The following FARS2 variants were observed in gnomAD, a reference collection of about 807,000 sequenced individuals.
FARS2 encodes phenylalanine--tRNA ligase, mitochondrial.
Under a neutral mutation model 46.4 loss-of-function variants are expected in FARS2, and 40 were observed. The ratio of observed to expected loss-of-function variants is 0.86; its 90% CI spans 0.67 to 1.12. The LOEUF is 1.12. FARS2 is among the 50% of genes most tolerant of loss of function. The pLI, the probability that FARS2 is intolerant of heterozygous loss-of-function variation, is 0.00. For missense variants in FARS2, 513 were observed against 567.9 expected (o/e 0.90, Z 0.98); for synonymous variants, 234 against 214.9 (o/e 1.09, Z -0.78).
At chr6:5,657,529 C>T (rs904819216) in intron 6 of FARS2, among the ~76,000 whole-genome samples, 64 of 152,248 alleles carry the variant, frequency 4.2e-4, no homozygotes, top group African/African-American at 1.5e-3. Context: ...TCTGAAGATG[C>T]GGGAAGGCAG....
intron 3 of FARS2, among the ~76,000 whole-genome samples, chr6:5,421,311 C>A (rs1348549413): frequency 6.6e-6 from 1 of 152,152 alleles, no homozygotes; most frequent in Non-Finnish European, 1.5e-5. Context: ...AGCATGGGGA[C>A]CCTGGGCCTG....
rs745311767 is a variant in FARS2, at chr6:5,324,443, C to CTTT, written c.-21-44086_-21-44084dup. Among the ~76,000 whole-genome samples the CTTT allele has an allele frequency of 3.7e-4, 33 of 88,236 alleles. 1 individual carries two copies. The highest frequency in any genetic ancestry group is 8.1e-4 in the African/African-American group (19 of 23,416). 57.9% of individuals were successfully genotyped at this position (88,236 alleles called of 152,430 possible). On this transcript the variant is annotated intron_variant, in intron 1 of 6. Transcript: ENST00000274680. ...ATTATTGTGGGAAAGAGACTATTTG[C>CTTT]TTTTTTTTTTTTTTTTTTTTTTTAA...
intron 4 of FARS2, among the ~76,000 whole-genome samples, chr6:5,432,785 G>C (rs1339517801): frequency 6.6e-6 from 1 of 151,954 alleles, no homozygotes; most frequent in South Asian, 2.1e-4. Flanking sequence ...TAAGAAATGT[G>C]AATAGACCAT....
chr6:5,379,728 C>T (rs540413003), intron 2 of FARS2, among the ~76,000 whole-genome samples: 57 of 152,230 alleles, frequency 3.7e-4, no homozygotes, highest in Middle Eastern at 3.4e-3. Context: ...AATGGGGTAC[C>T]GAGGAGAGCA....
intron 2 of FARS2, among the ~76,000 whole-genome samples, chr6:5,397,063 A>G (rs994770110): frequency 2.6e-5 from 4 of 152,228 alleles, no homozygotes; most frequent in African/African-American, 9.6e-5. Flanking sequence ...TCTTTAAAGA[A>G]GTAGAAAATA....
intron 5 of FARS2, among the ~76,000 whole-genome samples, chr6:5,550,287 T>G (rs1435072171): frequency 1.3e-5 from 2 of 152,198 alleles, no homozygotes; most frequent in Non-Finnish European, 2.9e-5. Context: ...GTTCTTTTAT[T>G]TATTTATGAG....
At chr6:5,619,975 T>TA (rs1249368961) in intron 6 of FARS2, among the ~76,000 whole-genome samples, 20 of 152,306 alleles carry the variant, frequency 1.3e-4, no homozygotes, top group Admixed American at 4.6e-4. Flanking sequence ...ATTTTCCCAA[T>TA]CATGACTGTT....
chr6:5,701,200 T>C (rs1758412758), intron 6 of FARS2, among the ~76,000 whole-genome samples: 1 of 152,218 alleles, frequency 6.6e-6, no homozygotes, highest in African/African-American at 2.4e-5. Flanking sequence ...CGCTAAGTCG[T>C]CGGGATTACC....
At chr6:5,391,255 A>G (rs1466675929) in intron 2 of FARS2, among the ~76,000 whole-genome samples, 3 of 152,222 alleles carry the variant, frequency 2.0e-5, no homozygotes, top group Non-Finnish European at 4.4e-5. Context: ...TTTGGGTTGA[A>G]TTCAGGCTCC....
At chr6:5,590,638 A>G (rs1358770306) in intron 5 of FARS2, among the ~76,000 whole-genome samples, 1 of 152,202 alleles carries the variant, frequency 6.6e-6, no homozygotes, top group Non-Finnish European at 1.5e-5. Context: ...TTACCCCTCA[A>G]TCCCATATGT....
intron 5 of FARS2, among the ~76,000 whole-genome samples, chr6:5,579,347 G>A (rs1035021186): frequency 2.0e-5 from 3 of 151,914 alleles, no homozygotes; most frequent in Non-Finnish European, 4.4e-5. Flanking sequence ...TACAACCTCC[G>A]CCTCCTGGGT....
intron 2 of FARS2, among the ~76,000 whole-genome samples, chr6:5,392,746 ACACACACACAC>A (rs1760609488): frequency 4.5e-5 from 1 of 22,032 alleles, no homozygotes; most frequent in Non-Finnish European, 8.0e-5. Flanking sequence ...ACACACACAC[ACACACACACAC>A]ACACACACAC....
intron 1 of FARS2, among the ~76,000 whole-genome samples, chr6:5,312,493 T>C (rs1769147062): frequency 6.6e-6 from 1 of 152,218 alleles, no homozygotes; most frequent in African/African-American, 2.4e-5. Flanking sequence ...AAGATTAGAC[T>C]AAGATAGCAG....
At chr6:5,749,140 C>T (rs1338840903) in intron 6 of FARS2, among the ~76,000 whole-genome samples, 5 of 152,192 alleles carry the variant, frequency 3.3e-5, no homozygotes, top group African/African-American at 7.2e-5. Flanking sequence ...CCTCTCCTCC[C>T]GTCCCCTCAT....
chr6:5,261,049 G>A, upstream of FARS2: 1 of 780,116 alleles, frequency 1.3e-6, no homozygotes, highest in Non-Finnish European at 1.6e-6. Context: ...GCTCCACGCG[G>A]CGGGAGGGCG....
chr6:5,515,659 C>T (rs1768740905), intron 4 of FARS2, among the ~76,000 whole-genome samples: 1 of 152,122 alleles, frequency 6.6e-6, no homozygotes, highest in Admixed American at 6.6e-5. Context: ...GAACTCCTGG[C>T]TTCAAGTGAT....
At chr6:5,432,352 T>A (rs10900968) in intron 4 of FARS2, among the ~76,000 whole-genome samples, 1,364 of 20,958 alleles carry the variant, frequency 0.065, 18 homozygotes, top group Non-Finnish European at 0.094. Context: ...ATATATATAT[T>A]ATATATATAT....
At chr6:5,256,261 G>A (rs558028490), upstream of FARS2, among the ~76,000 whole-genome samples, 5 of 151,970 alleles carry the variant, frequency 3.3e-5, no homozygotes, top group Admixed American at 3.3e-4. Context: ...AGGCCGAGGT[G>A]GGCGGATCAC....
At chr6:5,474,852 A>T (rs1766028835) in intron 4 of FARS2, among the ~76,000 whole-genome samples, 1 of 151,532 alleles carries the variant, frequency 6.6e-6, no homozygotes, top group South Asian at 2.1e-4. Context: ...TAGAGATGGG[A>T]TTTCACCATG....
Sources: allele counts gnomAD v4.1 joint callset (sites outside exome capture counted in the v4.1 genomes callset), GRCh38; gene constraint gnomAD v4.1.1; transcripts MANE v1.5; gene names NCBI Gene and HGNC (gene_info 2026-07-23, HGNC 2026-07-21).